Variants in FBXL13 observed in about 807,000 individuals in gnomAD.
FBXL13 encodes the protein F-box and leucine-rich repeat protein 13.
In FBXL13, 67 loss-of-function variants were observed where a neutral mutation model predicts 83.6. The observed-to-expected ratio is 0.80, with a 90% CI of 0.66 to 0.98. FBXL13 has a LOEUF of 0.98. FBXL13 is among the 50% of genes least tolerant of loss of function. The probability of loss-of-function intolerance (pLI) is 0.00; values close to 1 mark genes in which losing one functional copy is unlikely to be tolerated. For missense variants in FBXL13, 822 were observed against 866.5 expected (o/e 0.95, Z 0.64); for synonymous variants, 272 against 299.5 (o/e 0.91, Z 0.95).
intron 6 of FBXL13, among the ~76,000 whole-genome samples, chr7:103,005,987 T>A (rs1042338879): frequency 7.9e-5 from 12 of 152,012 alleles, no homozygotes; most frequent in African/African-American, 2.9e-4. Context: ...CTTCCCAATA[T>A]AAAATATTAA....
chr7:102,814,665 C>T (rs1797748267), intron 19 of FBXL13, among the ~76,000 whole-genome samples: 1 of 152,156 alleles, frequency 6.6e-6, no homozygotes. Flanking sequence ...TGAGTAAAAG[C>T]AATTATCATA....
At chr7:102,880,897 A>G (rs998583567) in intron 14 of FBXL13, among the ~76,000 whole-genome samples, 4 of 152,104 alleles carry the variant, frequency 2.6e-5, no homozygotes, top group South Asian at 4.1e-4. Context: ...CTCAAAGGCA[A>G]TTGTTGTCAT....
At chr7:102,951,375 C>CTAAATAAATAAA (rs71106701) in intron 8 of FBXL13, among the ~76,000 whole-genome samples, 12,711 of 133,788 alleles carry the variant, frequency 0.095, 836 homozygotes, top group East Asian at 0.26. Context: ...GACTCCATCT[C>CTAAATAAATAAA]TAAATAAATA....
At chr7:102,844,176 C>A (rs1460954631) in intron 17 of FBXL13, among the ~76,000 whole-genome samples, 1 of 152,186 alleles carries the variant, frequency 6.6e-6, no homozygotes, top group African/African-American at 2.4e-5. Flanking sequence ...TGAACTGTCT[C>A]TGTTAGAGAT....
At chr7:102,936,901 A>G (rs1820422712) in intron 8 of FBXL13, among the ~76,000 whole-genome samples, 1 of 150,094 alleles carries the variant, frequency 6.7e-6, no homozygotes, top group Non-Finnish European at 1.5e-5. Flanking sequence ...CAATGAGCCT[A>G]TTTCTGCTTT....
intron 6 of FBXL13, among the ~76,000 whole-genome samples, 178 bp downstream of exon 7, chr7:103,024,885 A>G (rs1387060915): frequency 3.1e-4 from 22 of 71,976 alleles, no homozygotes; most frequent in African/African-American, 1.3e-3. Context: ...TTTGAGATGG[A>G]GTTTTGCTAT....
downstream of FBXL13, among the ~76,000 whole-genome samples, chr7:102,811,220 A>T (rs1797414215): frequency 6.6e-6 from 1 of 152,200 alleles, no homozygotes; most frequent in Non-Finnish European, 1.5e-5. Context: ...ACTATATTTA[A>T]AGCTACTAAT....
In FBXL13 at chr7:102,892,932, C is replaced by T. The variant is rs150282924; in HGVS notation, c.1009-8620G>A. Among the ~76,000 whole-genome samples, 132 of 152,274 alleles carry T rather than the reference C, an allele frequency of 8.7e-4. 1 individual carries two copies. Among genetic ancestry groups the T allele is most frequent in the African/African-American group, 3.1e-3 (130 of 41,560 alleles). The stretch of plus-strand genomic sequence containing the variant: ...GAGTATTTACACCATAGAATTCAGC[C>T]AACACTAAAAAGTCAGGCTTTTCCT... On this transcript the variant is annotated intron_variant, in intron 11 of 19. Coordinates refer to ENST00000313221, the Ensembl canonical transcript of FBXL13.
intron 10 of FBXL13, among the ~76,000 whole-genome samples, chr7:102,925,027 G>A (rs1419172447): frequency 6.6e-6 from 1 of 152,210 alleles, no homozygotes; most frequent in South Asian, 2.1e-4. Flanking sequence ...AATAGTTTGA[G>A]AAATGTTTTC....
chr7:102,972,025 C>CA (rs199784264), intron 6 of FBXL13, among the ~76,000 whole-genome samples: 4,987 of 90,728 alleles, frequency 0.055, 262 homozygotes, highest in African/African-American at 0.16. Flanking sequence ...GAGTCCATCT[C>CA]AAAAAAAAAA....
At chr7:102,990,819 G>A (rs909929013) in intron 6 of FBXL13, among the ~76,000 whole-genome samples, 2 of 152,162 alleles carry the variant, frequency 1.3e-5, no homozygotes, top group Admixed American at 6.5e-5. Flanking sequence ...CCTTGAACTT[G>A]GGTAACATGG....
At chr7:102,926,858 A>G (rs1162491418) in intron 9 of FBXL13, among the ~76,000 whole-genome samples, 1 of 152,222 alleles carries the variant, frequency 6.6e-6, no homozygotes, top group African/African-American at 2.4e-5. Context: ...GTGTATAATT[A>G]AGCTTCTGTG....
chr7:103,056,349 A>G (rs1256824837), intron 1 of FBXL13, among the ~76,000 whole-genome samples: 7 of 152,142 alleles, frequency 4.6e-5, no homozygotes, highest in African/African-American at 1.4e-4. Context: ...TCTTTTTCAT[A>G]TAATAACTTA....
intron 6 of FBXL13, among the ~76,000 whole-genome samples, chr7:102,977,500 C>T (rs755124894): frequency 1.4e-4 from 22 of 152,144 alleles, no homozygotes; most frequent in Non-Finnish European, 3.1e-4. Flanking sequence ...TGGGACCTGG[C>T]AAACCTTCTA....
chr7:102,946,882 G>T (rs1270706276), intron 8 of FBXL13, among the ~76,000 whole-genome samples: 1 of 151,816 alleles, frequency 6.6e-6, no homozygotes, highest in African/African-American at 2.4e-5. Flanking sequence ...TGCCATGTTG[G>T]TCAGGCTGGT....
intron 6 of FBXL13, among the ~76,000 whole-genome samples, chr7:103,002,426 G>T (rs533054342): frequency 1.2e-4 from 19 of 152,204 alleles, no homozygotes; most frequent in Middle Eastern, 3.4e-3. Context: ...CTTCATACTA[G>T]AGATGAGTTG....
intron 1 of FBXL13, among the ~76,000 whole-genome samples, chr7:103,064,152 G>A (rs916944896): frequency 4.6e-5 from 7 of 152,194 alleles, no homozygotes; most frequent in African/African-American, 1.7e-4. Context: ...TCAACATCCA[G>A]AGAGGGTATA....
intron 6 of FBXL13, among the ~76,000 whole-genome samples, chr7:102,974,021 C>T (rs1219244495): frequency 6.6e-6 from 1 of 152,164 alleles, no homozygotes; most frequent in Non-Finnish European, 1.5e-5. Flanking sequence ...CCCTGTTTTC[C>T]CGAGCCTACC....
At chr7:102,929,107 G>A (rs1818662023) in intron 9 of FBXL13, among the ~76,000 whole-genome samples, 1 of 152,182 alleles carries the variant, frequency 6.6e-6, no homozygotes, top group African/African-American at 2.4e-5. Flanking sequence ...CTGACTCTGT[G>A]TGTTGAGGTA....
Sources: gnomAD v4.1 joint callset for allele counts (sites outside exome capture counted in the v4.1 genomes callset) on GRCh38, gnomAD v4.1.1 for gene constraint, MANE v1.5 for transcripts, NCBI Gene and HGNC (gene_info 2026-07-23, HGNC 2026-07-21) for gene names.